The following ASAP1 variants were observed in gnomAD, a reference collection of about 807,000 sequenced individuals.
The protein encoded by ASAP1 is arf-GAP with SH3 domain, ANK repeat and PH domain-containing protein 1.
Under a neutral mutation model 145.2 loss-of-function variants are expected in ASAP1, and 43 were observed. That is an observed-to-expected ratio of 0.30 (90% confidence interval 0.23 to 0.38). ASAP1 has a LOEUF of 0.38. Ranked by LOEUF, ASAP1 falls within the 10% of genes least tolerant of loss-of-function variation. The pLI is 1.00. For missense variants in ASAP1, 1,018 were observed against 1,355.3 expected, an observed-to-expected ratio of 0.75 and a Z score of 3.91; for synonymous variants, 546 against 515.5, an observed-to-expected ratio of 1.06 and a Z score of -0.80.
chr8:130,061,831 G>A (rs1817111586), intron 27 of ASAP1, among the ~76,000 whole-genome samples: 1 of 152,198 alleles, frequency 6.6e-6, no homozygotes, highest in African/African-American at 2.4e-5. Context: ...AGTATGCACA[G>A]CTTAGGAAAT....
chr8:130,082,164 T>C (rs1382871392), intron 25 of ASAP1, among the ~76,000 whole-genome samples: 2 of 152,154 alleles, frequency 1.3e-5, no homozygotes, highest in Non-Finnish European at 2.9e-5. Context: ...TTCTATGATA[T>C]TGATACAAGA....
intron 1 of ASAP1, among the ~76,000 whole-genome samples, chr8:130,436,255 A>G (rs914982951): frequency 6.6e-6 from 1 of 152,218 alleles, no homozygotes; most frequent in Non-Finnish European, 1.5e-5. Context: ...CTGTAATCCT[A>G]GTACTTTGGA....
chr8:130,443,245 C>T (rs1830554800), intron 1 of ASAP1, among the ~76,000 whole-genome samples: 1 of 151,942 alleles, frequency 6.6e-6, no homozygotes, highest in South Asian at 2.1e-4. Flanking sequence ...CTCGCCCGGC[C>T]CCGCAGAGCC....
In ASAP1 at chr8:130,410,931, G is replaced by A. The variant is rs143681730; in HGVS notation, c.-27-8961C>T. Among the ~76,000 whole-genome samples, 1,040 of 152,252 alleles carry A rather than the reference G, an allele frequency of 6.8e-3. 8 individuals carry two copies. The highest frequency in any genetic ancestry group is 0.023 in the African/African-American group (964 of 41,552). On this transcript the variant is annotated intron_variant, in intron 1 of 29. Coordinates refer to ENST00000518721, the MANE Select transcript of ASAP1 (RefSeq NM_018482.4). Reference sequence around the variant, plus strand: ...GCTGGAGTGCAGTGACGTAATCTCCGCTCACTGCAACCTCCGTCTCCCGGG... The same window carrying A: ...GCTGGAGTGCAGTGACGTAATCTCCACTCACTGCAACCTCCGTCTCCCGGG...
rs539810500 is a variant in ASAP1, at chr8:130,108,979, T to C, written c.2401+3115A>G. ...TAGTAGAGACGGGGTTTCTCCATGT[T>C]GGTCAGGGTGGTCTCGAACTCCCGA... On this transcript the variant is annotated intron_variant, in intron 24 of 29. Transcript: ENST00000518721. Among the ~76,000 whole-genome samples, 6 of 152,034 alleles carry C rather than the reference T, an allele frequency of 3.9e-5. 1 individual carries two copies. In the South Asian group the frequency reaches 1.2e-3, roughly 32 times the overall value.
At chr8:130,099,167 C>A (rs1242499065) in intron 24 of ASAP1, among the ~76,000 whole-genome samples, 1 of 151,702 alleles carries the variant, frequency 6.6e-6, no homozygotes, top group Non-Finnish European at 1.5e-5. Context: ...GTGTACGCCA[C>A]CAGGCCTAGC....
chr8:130,274,976 T>C (rs568338645), intron 3 of ASAP1, among the ~76,000 whole-genome samples: 112 of 152,328 alleles, frequency 7.4e-4, no homozygotes, highest in African/African-American at 2.7e-3. Context: ...ATAATAAGCA[T>C]AGACTCTTGA....
In ASAP1 at chr8:130,188,201, A is replaced by G; in HGVS notation, c.406-18T>C. 6.3e-7 allele frequency: 1 copy of G among 1,589,272 alleles called. No individual in the cohort carries two copies. On this transcript the variant is annotated intron_variant, in intron 5 of 29. Transcript: ENST00000518721. ...CCCTGGAGCTGAAAAAGCAAAGGGAAGATGGGAGATGGTTAAAAAATAAAG... is the reference window on the plus strand; with the variant it reads ...CCCTGGAGCTGAAAAAGCAAAGGGAGGATGGGAGATGGTTAAAAAATAAAG...
intron 2 of ASAP1, among the ~76,000 whole-genome samples, chr8:130,388,006 A>G (rs1209790535): frequency 6.6e-6 from 1 of 152,210 alleles, no homozygotes; most frequent in Non-Finnish European, 1.5e-5. Flanking sequence ...ACATACGGGG[A>G]GCAACCAAAG....
intron 3 of ASAP1, among the ~76,000 whole-genome samples, chr8:130,326,617 G>A (rs1824349670): frequency 1.3e-5 from 2 of 152,124 alleles, no homozygotes; most frequent in Admixed American, 1.3e-4. Flanking sequence ...ATATTAACAG[G>A]GTGTCCATCC....
rs372481861 is a variant in ASAP1 at position 130,403,554 on chromosome 8, C to CT, written c.-27-1585dup. On this transcript the variant is annotated intron_variant, in intron 1 of 29. Transcript: ENST00000518721. ...CATAAGACATTTTCTTTTTCTTTTTCTTTTTTTTTTTTTTTTTGTGAGACA... is the reference window on the plus strand; with the variant it reads ...CATAAGACATTTTCTTTTTCTTTTTCTTTTTTTTTTTTTTTTTTGTGAGACA... Among the ~76,000 whole-genome samples the CT allele has an allele frequency of 9.1e-3, 1,146 of 125,366 alleles. 20 individuals carry two copies. Among genetic ancestry groups the CT allele is most frequent in the African/African-American group, 0.026 (848 of 32,290 alleles). The allele number at this position is 125,366 out of a possible 152,430, so 82.2% of individuals were successfully genotyped here.
chr8:130,125,879 A>C (rs2097574226), intron 17 of ASAP1, 77 bp downstream of exon 17: 2 of 1,413,306 alleles, frequency 1.4e-6, no homozygotes, highest in South Asian at 1.5e-5. Context: ...GCAGACATAC[A>C]AAAAAAATCC....
Position 130,091,953 on chromosome 8 carries a change from C to CT in ASAP1, c.2572+19dup, listed in dbSNP as rs763970717. 1 of 1,512,502 alleles carries CT rather than the reference C, an allele frequency of 6.6e-7. No individual in the cohort carries two copies. The highest frequency in any genetic ancestry group is 2.5e-5 in the East Asian group (1 of 39,804). 93.7% of individuals were successfully genotyped at this position (1,512,502 alleles called of 1,614,324 possible). A position where few individuals can be genotyped will look rare whatever the true frequency, so the allele number is the denominator to read the frequency against. Reference sequence around the variant, plus strand: ...CTGCCTGGCCCCAGCAGCTTTGGCCCTGACTTTAGGATAACTTACCCCAAG... The same window carrying CT: ...CTGCCTGGCCCCAGCAGCTTTGGCCCTTGACTTTAGGATAACTTACCCCAAG... On this transcript the variant is annotated intron_variant, in intron 25 of 29. Coordinates refer to ENST00000518721, the MANE Select transcript of ASAP1 (RefSeq NM_018482.4).
chr8:130,262,446 G>A (rs1819987977), intron 3 of ASAP1, among the ~76,000 whole-genome samples: 3 of 117,136 alleles, frequency 2.6e-5, no homozygotes, highest in African/African-American at 9.2e-5. Context: ...GAGAGAGAGA[G>A]AGAGAGAGAG....
At chr8:130,166,297 C>T (rs888264018) in intron 11 of ASAP1, among the ~76,000 whole-genome samples, 27 of 152,232 alleles carry the variant, frequency 1.8e-4, no homozygotes, top group African/African-American at 6.3e-4. Context: ...GCATGAGCCA[C>T]TGCTCTTAAA....
chr8:130,395,643 C>T (rs139928597), intron 2 of ASAP1, among the ~76,000 whole-genome samples: 14 of 151,894 alleles, frequency 9.2e-5, no homozygotes, highest in African/African-American at 3.4e-4. Context: ...TCTTGAACTT[C>T]TGGCCTCCAA....
chr8:130,410,016 A>G (rs1334076334), intron 1 of ASAP1, among the ~76,000 whole-genome samples: 1 of 152,254 alleles, frequency 6.6e-6, no homozygotes, highest in East Asian at 1.9e-4. Flanking sequence ...GGGTGTGAAC[A>G]CAATGTCATA....
chr8:130,090,837 A>C (rs1482494250), intron 25 of ASAP1, among the ~76,000 whole-genome samples: 12 of 152,216 alleles, frequency 7.9e-5, no homozygotes. Flanking sequence ...GATGGTGAAC[A>C]GGTGACAATC....
intron 5 of ASAP1, among the ~76,000 whole-genome samples, chr8:130,197,245 T>C (rs973439832): frequency 3.3e-5 from 5 of 152,238 alleles, no homozygotes; most frequent in African/African-American, 1.2e-4. Context: ...CTAGGCGACA[T>C]GGTGAAACCC....
Sources: gnomAD v4.1 joint callset for allele counts (sites outside exome capture counted in the v4.1 genomes callset) on GRCh38, gnomAD v4.1.1 for gene constraint, MANE v1.5 for transcripts, NCBI Gene and HGNC (gene_info 2026-07-23, HGNC 2026-07-21) for gene names.